The following CHUK variants were observed in gnomAD, a reference collection of about 807,000 sequenced individuals.
CHUK encodes the protein component of inhibitor of nuclear factor kappa B kinase complex, also known as inhibitor of nuclear factor kappa-B kinase subunit alpha.
A neutral mutation model predicts 104.8 loss-of-function variants in CHUK; 35 were observed. The ratio of observed to expected loss-of-function variants is 0.33; its 90% CI spans 0.26 to 0.44. The LOEUF is 0.44. Among genes scored for constraint, CHUK ranks in the 20% least tolerant of loss-of-function variants. CHUK has a pLI of 1.00. For synonymous variants in CHUK, 276 were observed against 291.9 expected (o/e 0.95, Z 0.56); for missense variants, 663 against 902.7 (o/e 0.73, Z 3.40).
intron 20 of CHUK, 64 bp downstream of exon 20, chr10:100,190,805 G>A: frequency 1.1e-6 from 1 of 900,018 alleles, no homozygotes. Flanking sequence ...AGGCTAGCAT[G>A]GAAAGTTAAA....
chr10:100,190,850 A>G lies in CHUK; in HGVS notation c.2208+19T>C. ...CCCAACATAGCCAAAGCAGGCACCC[A>G]TATCCACACAAAACTTACCATCATA... On this transcript the variant is annotated intron_variant, in intron 20 of 20. Coordinates refer to ENST00000370397, the MANE Select transcript of CHUK (RefSeq NM_001278.5). 1 of 1,410,134 alleles carries G rather than the reference A, an allele frequency of 7.1e-7. No homozygotes were observed. Among genetic ancestry groups the G allele is most frequent in the Non-Finnish European group, 1.0e-6 (1 of 993,654 alleles). The allele number at this position is 1,410,134 out of a possible 1,614,324, so 87.4% of individuals were successfully genotyped here.
chr10:100,191,316 G>A (rs1165891133), intron 19 of CHUK, among the ~76,000 whole-genome samples: 1 of 152,186 alleles, frequency 6.6e-6, no homozygotes, highest in African/African-American at 2.4e-5. Flanking sequence ...GATGAAATAC[G>A]TTTTTGTTTC....
At chr10:100,215,330 C>T (rs1845830613) in intron 9 of CHUK, among the ~76,000 whole-genome samples, 1 of 150,758 alleles carries the variant, frequency 6.6e-6, no homozygotes, top group South Asian at 2.1e-4. Context: ...TACAGTTATA[C>T]AGCAGTTATA....
chr10:100,191,819 T>G (rs1262821835), intron 19 of CHUK, among the ~76,000 whole-genome samples: 1 of 152,234 alleles, frequency 6.6e-6, no homozygotes, highest in East Asian at 1.9e-4. Flanking sequence ...AAATCAATTT[T>G]CTTATACAAT....
intron 9 of CHUK, among the ~76,000 whole-genome samples, chr10:100,214,485 C>T (rs775862059): frequency 6.6e-6 from 1 of 152,174 alleles, no homozygotes; most frequent in Non-Finnish European, 1.5e-5. Flanking sequence ...GGAGGCACTA[C>T]TTGAGCTAAA....
At chr10:100,221,979 T>C (rs748696333) in intron 4 of CHUK, 133 bp downstream of exon 4, 1 of 612,454 alleles carries the variant, frequency 1.6e-6, no homozygotes, top group Non-Finnish European at 2.9e-6. Context: ...AATAGATTTT[T>C]ATAACTTCTT....
At chr10:100,218,476 T>C (rs1320007617) in intron 8 of CHUK, among the ~76,000 whole-genome samples, 3 of 152,222 alleles carry the variant, frequency 2.0e-5, no homozygotes, top group Admixed American at 6.5e-5. Context: ...CTGTCCAAAA[T>C]GGTAGCCACT....
chr10:100,214,625 G>C (rs74970041), intron 9 of CHUK, among the ~76,000 whole-genome samples: 348 of 152,280 alleles, frequency 2.3e-3, no homozygotes, highest in African/African-American at 8.0e-3. Flanking sequence ...CAGTTCAAAT[G>C]TACCTAAAAT....
intron 19 of CHUK, among the ~76,000 whole-genome samples, chr10:100,191,286 A>C (rs904845860): frequency 1.3e-5 from 2 of 152,216 alleles, no homozygotes; most frequent in African/African-American, 4.8e-5. Context: ...AGGGAGGAAA[A>C]AATCCTTGTG....
At position 100,188,801 on chromosome 10, in the gene CHUK, T is replaced by C. The variant is rs1276604234; in HGVS notation, c.*797A>G. 1 of 152,244 alleles carries C rather than the reference T, an allele frequency of 6.6e-6. No homozygotes were observed. The highest frequency in any genetic ancestry group is 2.4e-5 in the African/African-American group (1 of 41,464). The allele number at this position is 152,244 out of a possible 1,614,324, so 9.4% of individuals were successfully genotyped here. On this transcript the variant is annotated 3_prime_UTR_variant, in exon 21 of 21. Coordinates refer to ENST00000370397, the MANE Select transcript of CHUK (RefSeq NM_001278.5). ...AGGAGTGCAGACCTTTATAAATTTG[T>C]ATGACAAGACATGAAAGATTGTTTA...
At chr10:100,209,475 G>C in intron 10 of CHUK, 120 bp downstream of exon 10, 2 of 703,298 alleles carry the variant, frequency 2.8e-6, no homozygotes, top group South Asian at 3.1e-5. Flanking sequence ...TTGGGAGAAG[G>C]ACAAAACCAA....
Position 100,200,685 on chromosome 10 carries a change from G to A in CHUK, c.1665C>T (p.Asp555=). 6.6e-7 allele frequency: 1 copy of A among 1,525,230 alleles called. No homozygotes were observed. The highest frequency in any genetic ancestry group is 9.1e-7 in the Non-Finnish European group (1 of 1,099,640). 94.5% of individuals were successfully genotyped at this position (1,525,230 alleles called of 1,614,324 possible). ...QKSPYGRRQG[D]LMESLEQRAI... ...TGCATCCTTACAGAGATTCCATCAA[G>A]TCTCCCTGACGTCTTCCATAGGGGC... The change falls in exon 15 of 21, where the codon GAC becomes GAT. Residue 555 remains aspartate (D), a synonymous_variant. Transcript: ENST00000370397.
At chr10:100,203,540 C>T (rs1845518654) in intron 13 of CHUK, among the ~76,000 whole-genome samples, 1 of 151,944 alleles carries the variant, frequency 6.6e-6, no homozygotes, top group African/African-American at 2.4e-5. Context: ...CTGAGATACA[C>T]AGAGTTTGCT....
intron 9 of CHUK, among the ~76,000 whole-genome samples, chr10:100,215,980 T>C (rs1353829794): frequency 6.6e-6 from 1 of 152,210 alleles, no homozygotes; most frequent in African/African-American, 2.4e-5. Context: ...ATACATACCT[T>C]ATTCTGCATA....
chr10:100,228,989 GCGCGCACACACA>G (rs951083411), intron 1 of CHUK, among the ~76,000 whole-genome samples: 3 of 73,766 alleles, frequency 4.1e-5, no homozygotes, highest in South Asian at 3.5e-4. Context: ...GCGCGCGCGC[GCGCGCACACACA>G]CACACACACA....
chr10:100,220,513 C>T, intron 5 of CHUK, 75 bp downstream of exon 5: 1 of 1,035,326 alleles, frequency 9.7e-7, no homozygotes, highest in Non-Finnish European at 1.5e-6. Context: ...AGCAAAGACA[C>T]CAAAGCTCAA....
intron 15 of CHUK, 99 bp downstream of exon 15, chr10:100,200,572 T>C: frequency 2.7e-6 from 2 of 739,582 alleles, no homozygotes; most frequent in Non-Finnish European, 4.9e-6. Context: ...AAAGGAAAAC[T>C]ATAGAAAAGA....
At chr10:100,210,088 TTTA>T (rs1185243633) in intron 9 of CHUK, among the ~76,000 whole-genome samples, 66 of 109,340 alleles carry the variant, frequency 6.0e-4, no homozygotes, top group African/African-American at 1.6e-3. Context: ...TATTTATTTA[TTTA>T]TTTTTTTTTT....
At chr10:100,200,621 A>C in intron 15 of CHUK, 50 bp downstream of exon 15, 1 of 898,220 alleles carries the variant, frequency 1.1e-6, no homozygotes, top group Non-Finnish European at 1.9e-6. Flanking sequence ...AAGCAGAAAG[A>C]ATACAAAATA....
Sources: allele counts gnomAD v4.1 joint callset (sites outside exome capture counted in the v4.1 genomes callset), GRCh38; gene constraint gnomAD v4.1.1; transcripts MANE v1.5; gene names NCBI Gene and HGNC (gene_info 2026-07-23, HGNC 2026-07-21).